SYNPR: variants seen among roughly 807,000 people sequenced by gnomAD.
The protein encoded by SYNPR is synaptoporin.
In SYNPR, 23 loss-of-function variants were observed where a neutral mutation model predicts 32.9. The observed-to-expected ratio is 0.70, with a 90% CI of 0.50 to 0.99. The LOEUF (loss-of-function observed/expected upper bound fraction) is 0.99, where lower values mean the gene tolerates loss of function less well. Ranked by LOEUF, SYNPR falls within the 50% of genes least tolerant of loss-of-function variation. SYNPR has a pLI of 0.00. For synonymous variants in SYNPR, 146 were observed against 135.9 expected, an observed-to-expected ratio of 1.07 and a Z score of -0.52; for missense variants, 318 against 349.3, an observed-to-expected ratio of 0.91 and a Z score of 0.71.
intron 1 of SYNPR, among the ~76,000 whole-genome samples, chr3:63,245,928 C>G (rs2086284266): frequency 6.6e-6 from 1 of 151,958 alleles, no homozygotes. Flanking sequence ...TTTAATTATC[C>G]TGTATATTTC....
At chr3:63,237,140 A>C (rs1014618099) in intron 1 of SYNPR, among the ~76,000 whole-genome samples, 6 of 151,956 alleles carry the variant, frequency 3.9e-5, no homozygotes, top group South Asian at 2.1e-4. Flanking sequence ...TTTCTATGTC[A>C]ATTCATACGA....
At chr3:63,442,076 C>G (rs996144568) in intron 2 of SYNPR, among the ~76,000 whole-genome samples, 7 of 152,026 alleles carry the variant, frequency 4.6e-5, no homozygotes, top group African/African-American at 1.4e-4. Flanking sequence ...CCAACCTCCC[C>G]CTATCCACCA....
chr3:63,209,342 A>G, the SYNPR span, among the ~76,000 whole-genome samples: 8 of 148,718 alleles, frequency 5.4e-5, no homozygotes, highest in Non-Finnish European at 7.5e-5. Flanking sequence ...AAGGTTGGGA[A>G]ACAGTAAACA....
At chr3:63,577,317 G>T (rs912656587) in intron 4 of SYNPR, among the ~76,000 whole-genome samples, 1 of 152,194 alleles carries the variant, frequency 6.6e-6, no homozygotes, top group Non-Finnish European at 1.5e-5. Flanking sequence ...TACTGCGCTA[G>T]GCCCTGAGGC....
At position 63,246,595 on chromosome 3, in the gene SYNPR, G is replaced by A. The variant is rs557618168; in HGVS notation, n.67-5904G>A. Reference sequence around the variant, plus strand: ...TATTTTATACCAAGTGGTCAGAAAAGTTCTCATTGATAAAGTGACATTTGA... The same window carrying A: ...TATTTTATACCAAGTGGTCAGAAAAATTCTCATTGATAAAGTGACATTTGA... On this transcript the variant is annotated intron_variant and non_coding_transcript_variant, in intron 1 of 4. Coordinates refer to the SYNPR transcript ENST00000478456. Among the ~76,000 whole-genome samples, 24 of 152,186 alleles carry A rather than the reference G, an allele frequency of 1.6e-4. No homozygotes were observed. The South Asian group carries it at 4.1e-3, about 26-fold the overall frequency.
intron 1 of SYNPR, among the ~76,000 whole-genome samples, chr3:63,242,954 C>G (rs1446342313): frequency 6.6e-6 from 1 of 151,882 alleles, no homozygotes; most frequent in African/African-American, 2.4e-5. Context: ...GATCAGCTAA[C>G]TGGTTGAACA....
chr3:63,352,883 C>T (rs560937259), intron 2 of SYNPR, among the ~76,000 whole-genome samples: 10 of 152,192 alleles, frequency 6.6e-5, no homozygotes, highest in Admixed American at 2.6e-4. Context: ...AGAACAGCAC[C>T]GGAAAGACCT....
At chr3:63,394,126 CAG>C (rs2088179772) in intron 2 of SYNPR, among the ~76,000 whole-genome samples, 1 of 152,144 alleles carries the variant, frequency 6.6e-6, no homozygotes, top group African/African-American at 2.4e-5. Context: ...ATAGTAGGTA[CAG>C]AATAAATATT....
chr3:63,530,702 C>T (rs2106788267), intron 3 of SYNPR, among the ~76,000 whole-genome samples: 1 of 152,182 alleles, frequency 6.6e-6, no homozygotes, highest in Non-Finnish European at 1.5e-5. Flanking sequence ...TGGTCTGTGA[C>T]CTGACACTCC....
chr3:63,257,733 G>T (rs923480552), intron 2 of SYNPR, among the ~76,000 whole-genome samples: 1 of 152,146 alleles, frequency 6.6e-6, no homozygotes, highest in African/African-American at 2.4e-5. Context: ...AACCTTAAAT[G>T]TAAATGGGCT....
At chr3:63,263,507 CATTT>C (rs1327337189) in intron 2 of SYNPR, among the ~76,000 whole-genome samples, 1 of 152,190 alleles carries the variant, frequency 6.6e-6, no homozygotes, top group Non-Finnish European at 1.5e-5. Flanking sequence ...CAACAACAGT[CATTT>C]ATTTAGCTCA....
At chr3:63,437,387 G>A (rs997929291) in intron 2 of SYNPR, among the ~76,000 whole-genome samples, 2 of 152,090 alleles carry the variant, frequency 1.3e-5, no homozygotes, top group Non-Finnish European at 2.9e-5. Context: ...GACCACACAA[G>A]TAGTAATATA....
chr3:63,422,604 A>T (rs1438144053), intron 2 of SYNPR, among the ~76,000 whole-genome samples: 1 of 152,222 alleles, frequency 6.6e-6, no homozygotes, highest in Non-Finnish European at 1.5e-5. Flanking sequence ...AAAGTCATAA[A>T]TTAAATAAAA....
intron 2 of SYNPR, among the ~76,000 whole-genome samples, chr3:63,264,788 G>A (rs972511392): frequency 1.2e-4 from 19 of 152,270 alleles, no homozygotes; most frequent in African/African-American, 3.9e-4. Context: ...CAAAGGAGAG[G>A]CAGGCACTTT....
At chr3:63,487,190 G>A (rs939575966) in intron 3 of SYNPR, among the ~76,000 whole-genome samples, 1 of 152,076 alleles carries the variant, frequency 6.6e-6, no homozygotes, top group Non-Finnish European at 1.5e-5. Flanking sequence ...TTTCACACTT[G>A]TGCAAACTTT....
At chr3:63,508,314 C>A (rs1701628719) in intron 3 of SYNPR, among the ~76,000 whole-genome samples, 1 of 152,108 alleles carries the variant, frequency 6.6e-6, no homozygotes, top group African/African-American at 2.4e-5. Flanking sequence ...TAATTCCTAA[C>A]TTTCTGGAGC....
At chr3:63,500,605 A>T (rs921765349) in intron 3 of SYNPR, among the ~76,000 whole-genome samples, 1 of 152,210 alleles carries the variant, frequency 6.6e-6, no homozygotes, top group African/African-American at 2.4e-5. Context: ...GTGGCTTCCT[A>T]AAATGAGTGT....
intron 2 of SYNPR, among the ~76,000 whole-genome samples, chr3:63,256,084 G>T (rs1025211479): frequency 2.6e-4 from 40 of 152,156 alleles, no homozygotes; most frequent in African/African-American, 9.4e-4. Flanking sequence ...GCTCCAACTG[G>T]GTGGAGCCCA....
chr3:63,230,031 A>C (rs2086155683), intron 1 of SYNPR, among the ~76,000 whole-genome samples: 1 of 152,230 alleles, frequency 6.6e-6, no homozygotes, highest in South Asian at 2.1e-4. Context: ...GCATTACATA[A>C]CCCAGCCCTG....
Sources: gnomAD v4.1 joint callset for allele counts (sites outside exome capture counted in the v4.1 genomes callset) on GRCh38, gnomAD v4.1.1 for gene constraint, MANE v1.5 for transcripts, NCBI Gene and HGNC (gene_info 2026-07-23, HGNC 2026-07-21) for gene names.